The following RBFOX1 variants were observed in gnomAD, a reference collection of about 807,000 sequenced individuals.
RBFOX1 encodes the protein RNA binding protein fox-1 homolog 1.
In RBFOX1, 8 loss-of-function variants were observed where a neutral mutation model predicts 57.7. The observed-to-expected ratio is 0.14, with a 90% CI of 0.08 to 0.25. The LOEUF is 0.25. RBFOX1 is among the 10% of genes least tolerant of loss of function. The pLI is 1.00. For missense variants in RBFOX1, 611 were observed against 548.5 expected (o/e 1.11, Z -1.14); for synonymous variants, 326 against 222.4 (o/e 1.47, Z -4.15).
At chr16:6,799,800 C>T (rs942610481) in intron 3 of RBFOX1, among the ~76,000 whole-genome samples, 1 of 151,946 alleles carries the variant, frequency 6.6e-6, no homozygotes, top group Non-Finnish European at 1.5e-5. Context: ...CAGTGGTTTG[C>T]TAGAGGCTCT....
intron 2 of RBFOX1, among the ~76,000 whole-genome samples, chr16:5,590,227 C>G (rs1423538798): frequency 6.6e-6 from 1 of 152,042 alleles, no homozygotes; most frequent in Non-Finnish European, 1.5e-5. Flanking sequence ...AAATAAATTG[C>G]TGGAAGTGGT....
intron 3 of RBFOX1, among the ~76,000 whole-genome samples, chr16:6,765,022 AG>A (rs1222276262): frequency 6.7e-6 from 1 of 150,340 alleles, no homozygotes; most frequent in Non-Finnish European, 1.5e-5. Flanking sequence ...TAAGGTTTTC[AG>A]AAAAAAAAAA....
chr16:7,547,881 C>G (rs2085053679), intron 5 of RBFOX1, among the ~76,000 whole-genome samples: 1 of 152,098 alleles, frequency 6.6e-6, no homozygotes, highest in Non-Finnish European at 1.5e-5. Flanking sequence ...TGATAGGAGA[C>G]AAAACAGAAT....
chr16:5,634,324 G>A (rs1220645967), intron 3 of RBFOX1, among the ~76,000 whole-genome samples: 1 of 152,138 alleles, frequency 6.6e-6, no homozygotes, highest in East Asian at 1.9e-4. Context: ...ATACAGAGTG[G>A]AAAACAAGCA....
chr16:6,692,180 C>G (rs561088822), intron 3 of RBFOX1, among the ~76,000 whole-genome samples: 8 of 152,254 alleles, frequency 5.3e-5, no homozygotes, highest in African/African-American at 1.9e-4. Context: ...ACCAAGGTAA[C>G]TATAAAGATT....
chr16:7,686,003 G>C (rs1173010324), intron 14 of RBFOX1, among the ~76,000 whole-genome samples: 1 of 151,952 alleles, frequency 6.6e-6, no homozygotes, highest in Non-Finnish European at 1.5e-5. Context: ...TGAGCTAGTT[G>C]ACCCTCAACT....
intron 4 of RBFOX1, among the ~76,000 whole-genome samples, chr16:7,095,911 G>A (rs373493992): frequency 6.6e-6 from 1 of 151,456 alleles, no homozygotes; most frequent in African/African-American, 2.4e-5. Flanking sequence ...TACTTGGGAG[G>A]CTGAGGCAGG....
chr16:5,901,439 G>A (rs1214617135), intron 4 of RBFOX1, among the ~76,000 whole-genome samples: 2 of 152,210 alleles, frequency 1.3e-5, no homozygotes, highest in Middle Eastern at 3.4e-3. Context: ...TAAGCTCAAG[G>A]TGCTCCACAG....
chr16:6,093,544 T>G (rs1370775773), intron 1 of RBFOX1, among the ~76,000 whole-genome samples: 1 of 152,180 alleles, frequency 6.6e-6, no homozygotes, highest in Non-Finnish European at 1.5e-5. Context: ...ACTTTAATCT[T>G]GTCTACAATT....
chr16:7,495,371 T>A (rs1333331914), intron 4 of RBFOX1, among the ~76,000 whole-genome samples: 2 of 152,248 alleles, frequency 1.3e-5, no homozygotes, highest in East Asian at 3.8e-4. Flanking sequence ...AGCTCTGTTT[T>A]AAGTTCTTTG....
At chr16:5,636,992 G>T (rs993078273) in intron 3 of RBFOX1, among the ~76,000 whole-genome samples, 13 of 152,282 alleles carry the variant, frequency 8.5e-5, no homozygotes, top group Admixed American at 7.8e-4. Context: ...TTCTTCTTGT[G>T]GGAGTTCGGG....
chr16:6,630,732 C>T (rs2098374610), intron 2 of RBFOX1, among the ~76,000 whole-genome samples: 1 of 152,046 alleles, frequency 6.6e-6, no homozygotes, highest in Non-Finnish European at 1.5e-5. Flanking sequence ...AAAATTTAAG[C>T]TGGAATTTAT....
chr16:5,557,223 G>C (rs2045711703), intron 2 of RBFOX1, among the ~76,000 whole-genome samples: 1 of 151,764 alleles, frequency 6.6e-6, no homozygotes, highest in South Asian at 2.1e-4. Context: ...TTGCGCCACT[G>C]CACTCCAGCC....
chr16:7,680,211 C>T (rs1362779431), intron 14 of RBFOX1, among the ~76,000 whole-genome samples: 1 of 152,082 alleles, frequency 6.6e-6, no homozygotes, highest in Non-Finnish European at 1.5e-5. Context: ...TATTGATTGG[C>T]TCATGGTTTG....
At chr16:5,487,862 A>G (rs1474457504) in intron 2 of RBFOX1, among the ~76,000 whole-genome samples, 1 of 152,072 alleles carries the variant, frequency 6.6e-6, no homozygotes, top group African/African-American at 2.4e-5. Context: ...GATGATGATG[A>G]TGTTGATAAT....
chr16:5,992,659 C>T (rs78009083), intron 4 of RBFOX1, among the ~76,000 whole-genome samples: 1,660 of 152,202 alleles, frequency 0.011, 36 homozygotes, highest in African/African-American at 0.038. Context: ...TGTGGTCAGG[C>T]GTGGTGGCTC....
At chr16:6,562,486 T>C (rs1187405323) in intron 2 of RBFOX1, among the ~76,000 whole-genome samples, 1 of 152,238 alleles carries the variant, frequency 6.6e-6, no homozygotes, top group East Asian at 1.9e-4. Context: ...GAGGTATATG[T>C]AGCAGGATTA....
chr16:7,335,551 C>A (rs2096770179), intron 4 of RBFOX1, among the ~76,000 whole-genome samples: 2 of 147,852 alleles, frequency 1.4e-5, no homozygotes, highest in Non-Finnish European at 3.0e-5. Context: ...AAATTCAGAC[C>A]AGCATCGCCC....
At chr16:6,886,357 C>T (rs569212086) in intron 3 of RBFOX1, among the ~76,000 whole-genome samples, 58 of 152,138 alleles carry the variant, frequency 3.8e-4, no homozygotes, top group Middle Eastern at 6.8e-3. Flanking sequence ...TCACTGCGCC[C>T]GGCCCAGTGA....
Sources: allele counts gnomAD v4.1 joint callset (sites outside exome capture counted in the v4.1 genomes callset), GRCh38; gene constraint gnomAD v4.1.1; transcripts MANE v1.5; gene names NCBI Gene and HGNC (gene_info 2026-07-23, HGNC 2026-07-21).